CHST11: variants seen among roughly 807,000 people sequenced by gnomAD.
CHST11 encodes C4S-1.
A neutral mutation model predicts 30.4 loss-of-function variants in CHST11; 9 were observed. The observed-to-expected ratio is 0.30, with a 90% CI of 0.18 to 0.52. CHST11 has a LOEUF of 0.52. CHST11 is among the 20% of genes least tolerant of loss of function. The pLI, the probability that CHST11 is intolerant of heterozygous loss-of-function variation, is 0.97. For missense variants in CHST11, 348 were observed against 460.6 expected (o/e 0.76, Z 2.24); for synonymous variants, 152 against 187.8 (o/e 0.81, Z 1.56).
chr12:104,639,991 TGTCGTTA>T (rs1167856547), intron 2 of CHST11, among the ~76,000 whole-genome samples: 1 of 152,214 alleles, frequency 6.6e-6, no homozygotes, highest in Non-Finnish European at 1.5e-5. Context: ...CTACATCATA[TGTCGTTA>T]GGGAATTACA....
rs11838344 is a variant in CHST11 at position 104,659,668 on chromosome 12, T to C, written c.204+57677T>C. Among the ~76,000 whole-genome samples the C allele has an allele frequency of 3.3e-3, 495 of 152,298 alleles. 2 individuals carry two copies. Among genetic ancestry groups the C allele is most frequent in the African/African-American group, 0.012 (481 of 41,552 alleles). ...TATGTTGGGTTAAATAAAGATATATTATTAACATTAATTATGGCCAGGCAC... is the reference window on the plus strand; with the variant it reads ...TATGTTGGGTTAAATAAAGATATATCATTAACATTAATTATGGCCAGGCAC... On this transcript the variant is annotated intron_variant, in intron 2 of 2. Transcript: ENST00000303694.
chr12:104,529,227 C>T (rs2038157510), intron 1 of CHST11, among the ~76,000 whole-genome samples: 1 of 152,182 alleles, frequency 6.6e-6, no homozygotes, highest in African/African-American at 2.4e-5. Context: ...TTAGGTCTGG[C>T]ATACATTTCT....
chr12:104,478,752 G>C (rs557152287), intron 1 of CHST11, among the ~76,000 whole-genome samples: 50 of 152,226 alleles, frequency 3.3e-4, no homozygotes, highest in African/African-American at 1.1e-3. Flanking sequence ...GTGGGATTTA[G>C]CCTTTTGGGA....
chr12:104,670,583 ACT>A (rs2039684842), intron 2 of CHST11, among the ~76,000 whole-genome samples: 1 of 149,224 alleles, frequency 6.7e-6, no homozygotes, highest in African/African-American at 2.5e-5. Flanking sequence ...ATGCACTCAC[ACT>A]CATACACACA....
chr12:104,482,859 T>C (rs2037640428), intron 1 of CHST11, among the ~76,000 whole-genome samples: 1 of 152,108 alleles, frequency 6.6e-6, no homozygotes, highest in Non-Finnish European at 1.5e-5. Context: ...TCCCCACTTC[T>C]TCTGTCTTTT....
At chr12:104,555,507 T>C (rs1417804354) in intron 1 of CHST11, among the ~76,000 whole-genome samples, 1 of 152,252 alleles carries the variant, frequency 6.6e-6, no homozygotes, top group Non-Finnish European at 1.5e-5. Flanking sequence ...TCTCTGCATA[T>C]TTTTAATTTT....
intron 2 of CHST11, among the ~76,000 whole-genome samples, chr12:104,714,464 G>A (rs957727516): frequency 1.3e-5 from 2 of 152,198 alleles, no homozygotes; most frequent in African/African-American, 4.8e-5. Flanking sequence ...TGGGGCAAAG[G>A]TCAGAAGCCT....
At chr12:104,665,881 G>A (rs1353004032) in intron 2 of CHST11, among the ~76,000 whole-genome samples, 3 of 136,348 alleles carry the variant, frequency 2.2e-5, no homozygotes, top group East Asian at 2.3e-4. Context: ...CCGCAGTGGC[G>A]CGATCTCGGC....
rs911454160 is a variant in CHST11 at position 104,458,509 on chromosome 12, G to A, written c.118+980G>A. On this transcript the variant is annotated intron_variant, in intron 1 of 2. Transcript: ENST00000303694. This position sits in a 1 kb window ranked among gnomAD's most constrained non-coding sequence, Gnocchi z 5.7. ...GGAAAGTTTGGGTTCTGGAGAGGGA[G>A]GGGCGCCCTCGAGCGCGGCGGCCGG... Among the ~76,000 whole-genome samples the A allele has an allele frequency of 6.6e-6, 1 of 152,114 alleles. No homozygotes were observed. The highest frequency in any genetic ancestry group is 1.9e-4 in the East Asian group (1 of 5,148).
intron 2 of CHST11, among the ~76,000 whole-genome samples, chr12:104,614,600 G>A (rs1016974464): frequency 1.3e-5 from 2 of 152,040 alleles, no homozygotes; most frequent in Non-Finnish European, 2.9e-5. Context: ...GACGTTGGAG[G>A]AGCATAGAGA....
chr12:104,536,286 G>A (rs2038236561), intron 1 of CHST11, among the ~76,000 whole-genome samples: 1 of 152,154 alleles, frequency 6.6e-6, no homozygotes, highest in Non-Finnish European at 1.5e-5. Flanking sequence ...TGGTGTTTAT[G>A]TCATAGACTC....
At chr12:104,656,090 G>T (rs907704422) in intron 2 of CHST11, among the ~76,000 whole-genome samples, 1 of 152,200 alleles carries the variant, frequency 6.6e-6, no homozygotes, top group African/African-American at 2.4e-5. Flanking sequence ...CGAACAAACC[G>T]TAAAAGATTT....
chr12:104,570,807 C>T (rs1370996335), intron 1 of CHST11, among the ~76,000 whole-genome samples: 1 of 151,882 alleles, frequency 6.6e-6, no homozygotes, highest in Non-Finnish European at 1.5e-5. Flanking sequence ...TCTCCTGCCT[C>T]AGCCTCCTGA....
intron 1 of CHST11, among the ~76,000 whole-genome samples, chr12:104,561,150 G>C (rs2038509759): frequency 6.6e-6 from 1 of 152,208 alleles, no homozygotes; most frequent in Admixed American, 6.5e-5. Flanking sequence ...TTAGGTTATA[G>C]GACTGGCTGC....
chr12:104,485,143 A>G (rs2037664371), intron 1 of CHST11, among the ~76,000 whole-genome samples: 2 of 152,174 alleles, frequency 1.3e-5, no homozygotes, highest in Admixed American at 1.3e-4. Context: ...TCAGAGGTTC[A>G]TGTGCTTAGA....
intron 1 of CHST11, among the ~76,000 whole-genome samples, chr12:104,549,410 G>C (rs2038384061): frequency 6.6e-6 from 1 of 152,154 alleles, no homozygotes; most frequent in African/African-American, 2.4e-5. Flanking sequence ...GAGAAAGAGG[G>C]CAAGAACTGT....
At chr12:104,605,092 C>T (rs1378434178) in intron 2 of CHST11, among the ~76,000 whole-genome samples, 11 of 141,838 alleles carry the variant, frequency 7.8e-5, no homozygotes, top group Non-Finnish European at 1.1e-4. Flanking sequence ...TACCTCTATG[C>T]TGTCTGTACT....
chr12:104,553,645 T>G (rs1037018793), intron 1 of CHST11, among the ~76,000 whole-genome samples: 8 of 151,380 alleles, frequency 5.3e-5, no homozygotes, highest in African/African-American at 2.0e-4. Flanking sequence ...CCATCAGATC[T>G]TGAGAGAACT....
At chr12:104,492,196 A>G (rs1298965892) in intron 1 of CHST11, among the ~76,000 whole-genome samples, 1 of 152,168 alleles carries the variant, frequency 6.6e-6, no homozygotes, top group Non-Finnish European at 1.5e-5. Flanking sequence ...TCCTGGGTTC[A>G]TGCCGTTCTC....
Sources: gnomAD v4.1 joint callset for allele counts (sites outside exome capture counted in the v4.1 genomes callset) on GRCh38, gnomAD v4.1.1 for gene constraint, Gnocchi (gnomAD v3.1) non-coding constraint, MANE v1.5 for transcripts, NCBI Gene and HGNC (gene_info 2026-07-23, HGNC 2026-07-21) for gene names.